POLR3B: variants seen among roughly 807,000 people sequenced by gnomAD.
POLR3B encodes DNA-directed RNA polymerase III subunit RPC2.
POLR3B carries 96 observed loss-of-function variants against 147.4 expected under a neutral mutation model. The observed-to-expected ratio is 0.65, with a 90% confidence interval of 0.55 to 0.77. POLR3B has a LOEUF of 0.77. Ranked by LOEUF, POLR3B falls within the 30% of genes least tolerant of loss-of-function variation. The probability of loss-of-function intolerance (pLI) is 0.00; values close to 1 mark genes in which losing one functional copy is unlikely to be tolerated. For synonymous variants in POLR3B, 461 were observed against 485.9 expected (o/e 0.95, Z 0.67); for missense variants, 1,036 against 1,413.5 (o/e 0.73, Z 4.28).
intron 27 of POLR3B, 92 bp from the exon 28 acceptor site, chr12:106,509,328 A>G (rs887121515): frequency 1.3e-5 from 16 of 1,268,112 alleles, no homozygotes; most frequent in Admixed American, 6.8e-5. Flanking sequence ...TAGAATGATA[A>G]TAGAACTTTA....
Position 106,357,965 on chromosome 12 carries a change from A to G in POLR3B, c.72+14A>G, listed in dbSNP as rs1181356146. 2.5e-6 allele frequency: 4 copies of G among 1,611,708 alleles called. No homozygotes were observed. The highest frequency in any genetic ancestry group is 1.1e-5 in the South Asian group (1 of 90,940). On this transcript the variant is annotated intron_variant, in intron 1 of 27. Transcript: ENST00000228347. ...CCGACTGTAGAGGTCAGTGCCAGGC[A>G]CGCAGGGAGCGTCAGGGACAAGGAT...
chr12:106,412,986 C>T (rs990842836), intron 12 of POLR3B, among the ~76,000 whole-genome samples: 2 of 151,792 alleles, frequency 1.3e-5, no homozygotes, highest in African/African-American at 4.8e-5. Flanking sequence ...AATTTTTTTT[C>T]TTGTTGTTGT....
intron 11 of POLR3B, 32 bp downstream of exon 11, chr12:106,406,008 C>T: frequency 1.9e-6 from 3 of 1,608,356 alleles, no homozygotes; most frequent in Non-Finnish European, 2.6e-6. Flanking sequence ...TGAATAAGGA[C>T]TGTGGGGTCT....
Position 106,425,643 on chromosome 12 carries a change from T to A in POLR3B, c.1102-1554T>A, listed in dbSNP as rs1377267879. 2.0e-5 allele frequency among the ~76,000 whole-genome samples: 3 copies of A among 152,302 alleles called. No individual in the cohort carries two copies. The South Asian group carries it at 6.2e-4, about 32-fold the overall frequency. ...GGTCTTTCTCAGGTTTTCTCCTCACTGCAGCCTTTCATGAGCACTCCACAG... is the reference window on the plus strand; with the variant it reads ...GGTCTTTCTCAGGTTTTCTCCTCACAGCAGCCTTTCATGAGCACTCCACAG... On this transcript the variant is annotated intron_variant, in intron 12 of 27. Coordinates refer to ENST00000228347, the MANE Select transcript of POLR3B (RefSeq NM_018082.6).
chr12:106,398,500 T>C (rs12316214), intron 10 of POLR3B, among the ~76,000 whole-genome samples: 59,174 of 151,566 alleles, frequency 0.39, 13,641 homozygotes, highest in African/African-American at 0.65. Context: ...TCTCCCAGCA[T>C]GCAGCTTGAG....
intron 16 of POLR3B, among the ~76,000 whole-genome samples, chr12:106,436,056 A>G (rs931741264): frequency 2.0e-5 from 3 of 152,162 alleles, no homozygotes; most frequent in African/African-American, 7.2e-5. Flanking sequence ...CCCTACCAAG[A>G]AGGAGCCAGA....
At chr12:106,358,149 A>G (rs1313445952) in intron 1 of POLR3B, 198 bp downstream of exon 1, 52 of 1,453,998 alleles carry the variant, frequency 3.6e-5, no homozygotes, top group Non-Finnish European at 4.4e-5. Context: ...GGCTGATCCC[A>G]GAGGAGCTGT....
chr12:106,381,356 G>C (rs1488761538), intron 9 of POLR3B, among the ~76,000 whole-genome samples: 1 of 152,186 alleles, frequency 6.6e-6, no homozygotes, highest in Non-Finnish European at 1.5e-5. Context: ...TCAAAAATTG[G>C]AGTCAGTTGT....
chr12:106,418,046 C>CATA (rs1259042073), intron 12 of POLR3B, among the ~76,000 whole-genome samples: 1 of 152,130 alleles, frequency 6.6e-6, no homozygotes, highest in African/African-American at 2.4e-5. Flanking sequence ...GATGAGGGAG[C>CATA]ATAAATGTGC....
intron 19 of POLR3B, among the ~76,000 whole-genome samples, chr12:106,447,891 T>C (rs957012753): frequency 1.3e-5 from 2 of 152,228 alleles, no homozygotes; most frequent in Non-Finnish European, 2.9e-5. Flanking sequence ...TTTTAATAGA[T>C]TTTATTCCTA....
chr12:106,409,005 C>T (rs1416838337), intron 11 of POLR3B, among the ~76,000 whole-genome samples: 1 of 152,112 alleles, frequency 6.6e-6, no homozygotes, highest in African/African-American at 2.4e-5. Context: ...CGTAAATATC[C>T]ATATTTATTT....
chr12:106,494,836 A>G (rs1428984420), intron 23 of POLR3B, among the ~76,000 whole-genome samples: 1 of 152,268 alleles, frequency 6.6e-6, no homozygotes, highest in East Asian at 1.9e-4. Context: ...CTAGAATTCA[A>G]CTCCACAATA....
intron 12 of POLR3B, among the ~76,000 whole-genome samples, chr12:106,421,717 T>G (rs2037376337): frequency 6.6e-6 from 1 of 152,008 alleles, no homozygotes; most frequent in South Asian, 2.1e-4. Context: ...ATATATTTTT[T>G]GAGACAGAGT....
chr12:106,482,094 A>G (rs773821192), intron 23 of POLR3B, among the ~76,000 whole-genome samples: 5 of 152,216 alleles, frequency 3.3e-5, no homozygotes, highest in Non-Finnish European at 7.3e-5. Flanking sequence ...TCTGAAAATA[A>G]TTTATCTTTC....
intron 9 of POLR3B, among the ~76,000 whole-genome samples, chr12:106,390,474 A>G (rs1052473824): frequency 1.6e-4 from 25 of 152,110 alleles, no homozygotes; most frequent in African/African-American, 6.0e-4. Flanking sequence ...TGCTTGAGCT[A>G]AGAATAATCT....
rs577338311 is a variant in POLR3B at position 106,477,719 on chromosome 12, G to T, written c.2713+14099G>T. On this transcript the variant is annotated intron_variant, in intron 23 of 27. Transcript: ENST00000228347. ...GTGAGGCAATGCCTCACCCTGCTTCGGCTCGCGCAGGGTACGCGCACCCAC... is the reference window on the plus strand; with the variant it reads ...GTGAGGCAATGCCTCACCCTGCTTCTGCTCGCGCAGGGTACGCGCACCCAC... Among the ~76,000 whole-genome samples the T allele has an allele frequency of 5.3e-5, 8 of 152,094 alleles. No homozygotes were observed. The East Asian group carries it at 1.4e-3, about 26-fold the overall frequency.
chr12:106,464,118 G>A (rs568839613), intron 23 of POLR3B, among the ~76,000 whole-genome samples: 7 of 152,232 alleles, frequency 4.6e-5, no homozygotes, highest in African/African-American at 1.7e-4. Context: ...TGCTGAGCTG[G>A]TGTTAGAACC....
intron 2 of POLR3B, 91 bp from the exon 3 acceptor site, chr12:106,366,425 A>T (rs2036536335): frequency 1.3e-6 from 1 of 798,204 alleles, no homozygotes; most frequent in Admixed American, 2.0e-5. Context: ...ACCTATTATT[A>T]GATTCCATTA....
intron 14 of POLR3B, among the ~76,000 whole-genome samples, chr12:106,431,417 A>G (rs1216745657): frequency 6.6e-6 from 1 of 152,228 alleles, no homozygotes; most frequent in Non-Finnish European, 1.5e-5. Flanking sequence ...ACTGCAGCAG[A>G]TGGTTCTAAG....
Sources: allele counts gnomAD v4.1 joint callset (sites outside exome capture counted in the v4.1 genomes callset), GRCh38; gene constraint gnomAD v4.1.1; transcripts MANE v1.5; gene names NCBI Gene and HGNC (gene_info 2026-07-23, HGNC 2026-07-21).